Variants in SHANK2 observed in about 807,000 individuals in gnomAD.
SHANK2 encodes the protein SH3 and multiple ankyrin repeat domains protein 2.
A neutral mutation model predicts 133.7 loss-of-function variants in SHANK2; 43 were observed. The observed-to-expected ratio is 0.32, with a 90% confidence interval of 0.25 to 0.41. SHANK2 has a LOEUF of 0.41. SHANK2 is among the 10% of genes least tolerant of loss of function. SHANK2 has a pLI of 1.00. For missense variants in SHANK2, 1,994 were observed against 2,235.8 expected, an observed-to-expected ratio of 0.89 and a Z score of 2.18; for synonymous variants, 1,017 against 952.8, an observed-to-expected ratio of 1.07 and a Z score of -1.24.
chr11:70,489,914 A>C, intron 23 of SHANK2: 1 of 337,958 alleles, frequency 3.0e-6, no homozygotes, highest in South Asian at 2.9e-5. Flanking sequence ...CAGGGAACCC[A>C]CTTACCCTTC....
chr11:70,477,879 T>C, intron 25 of SHANK2, among the ~76,000 whole-genome samples: 1 of 152,206 alleles, frequency 6.6e-6, no homozygotes, highest in Middle Eastern at 3.2e-3. Flanking sequence ...ATCTTCCCGG[T>C]TGCACAGATG....
intron 11 of SHANK2, chr11:70,864,969 T>C (rs1949329559): frequency 6.6e-6 from 1 of 152,356 alleles, no homozygotes. Context: ...GAGGCTGCAG[T>C]GAGCCATGAT....
intron 13 of SHANK2, among the ~76,000 whole-genome samples, chr11:70,801,289 G>A (rs1248486678): frequency 1.3e-5 from 2 of 152,212 alleles, no homozygotes; most frequent in Admixed American, 6.5e-5. Flanking sequence ...CTTGTACAAG[G>A]AGGCAGAGGT....
chr11:71,173,668 G>A (rs1012045190), intron 2 of SHANK2, among the ~76,000 whole-genome samples: 4 of 152,160 alleles, frequency 2.6e-5, no homozygotes, highest in East Asian at 1.9e-4. Context: ...CTCAAAATTC[G>A]TCTTCACCCA....
chr11:70,533,522 G>A (rs1203984499), intron 17 of SHANK2, among the ~76,000 whole-genome samples: 1 of 152,192 alleles, frequency 6.6e-6, no homozygotes, highest in East Asian at 1.9e-4. Context: ...GGGGGCCCAT[G>A]TCATCTGGCC....
chr11:70,890,365 G>A (rs943787088), intron 11 of SHANK2, among the ~76,000 whole-genome samples: 8 of 151,770 alleles, frequency 5.3e-5, no homozygotes, highest in African/African-American at 1.9e-4. Context: ...ATTGGGCCAG[G>A]CCCAGTAGCT....
chr11:70,782,525 A>G (rs573194891), intron 14 of SHANK2, among the ~76,000 whole-genome samples: 4 of 152,214 alleles, frequency 2.6e-5, no homozygotes, highest in Non-Finnish European at 4.4e-5. Flanking sequence ...TCCAAGTTAT[A>G]AGGAGGACTA....
At chr11:70,528,031 C>T (rs1554972463) in intron 17 of SHANK2, among the ~76,000 whole-genome samples, 1 of 152,210 alleles carries the variant, frequency 6.6e-6, no homozygotes, top group Non-Finnish European at 1.5e-5. Flanking sequence ...ATGGGCAGGC[C>T]ACACTCTCAT....
intron 15 of SHANK2, among the ~76,000 whole-genome samples, chr11:70,696,480 A>G (rs1555022255): frequency 6.6e-6 from 1 of 152,164 alleles, no homozygotes; most frequent in Non-Finnish European, 1.5e-5. Flanking sequence ...CCACTTCTAC[A>G]GGCAGCCTTC....
At chr11:70,632,153 G>A (rs1181619637) in intron 17 of SHANK2, among the ~76,000 whole-genome samples, 3 of 152,100 alleles carry the variant, frequency 2.0e-5, no homozygotes, top group South Asian at 2.1e-4. Context: ...AGACAGTCTC[G>A]CTCTGTCACC....
chr11:70,566,671 ACCCTGCCCTTC>A (rs1268622638), intron 17 of SHANK2: 23 of 152,180 alleles, frequency 1.5e-4, no homozygotes, highest in African/African-American at 5.3e-4. Flanking sequence ...AATTTACCCC[ACCCTGCCCTTC>A]CCCTCCCGTG....
chr11:71,149,833 A>T, intron 2 of SHANK2, among the ~76,000 whole-genome samples: 1 of 112,210 alleles, frequency 8.9e-6, no homozygotes, highest in African/African-American at 3.5e-5. Context: ...GAAAGAAGGG[A>T]GGGAAGGAGA....
chr11:70,950,549 T>C (rs954959367), intron 10 of SHANK2, among the ~76,000 whole-genome samples: 3 of 152,170 alleles, frequency 2.0e-5, no homozygotes, highest in Non-Finnish European at 4.4e-5. Context: ...ACCCTCATGA[T>C]GTAATCACCT....
chr11:70,629,853 C>A (rs2060958815), intron 17 of SHANK2, among the ~76,000 whole-genome samples: 1 of 152,164 alleles, frequency 6.6e-6, no homozygotes, highest in Admixed American at 6.5e-5. Context: ...AGATCCGGCC[C>A]CCTGACATCC....
At chr11:70,903,249 C>A (rs1449522862) in intron 10 of SHANK2, among the ~76,000 whole-genome samples, 1 of 151,892 alleles carries the variant, frequency 6.6e-6, no homozygotes, top group African/African-American at 2.4e-5. Context: ...TGGTGGCTGG[C>A]ACCTGTAATC....
chr11:70,934,322 C>T (rs1367997011), intron 10 of SHANK2, among the ~76,000 whole-genome samples: 2 of 151,936 alleles, frequency 1.3e-5, no homozygotes, highest in Non-Finnish European at 2.9e-5. Flanking sequence ...TCCTGCCGCA[C>T]ACTCAGGTTC....
rs575681718 is a variant in SHANK2 at position 70,726,630 on chromosome 11, G to A, written c.1778-27867C>T. 4.2e-4 allele frequency among the ~76,000 whole-genome samples: 64 copies of A among 152,304 alleles called. No homozygotes were observed. The South Asian group carries it at 0.011, about 25-fold the overall frequency. ...AAAGTAAGCTCATTTGGGAAGGCAG[G>A]TGGGGGTTGGCTGTGGTAGATGGCA... On this transcript the variant is annotated intron_variant, in intron 14 of 25. Coordinates refer to ENST00000601538, the MANE Select transcript of SHANK2 (RefSeq NM_012309.5).
chr11:70,719,493 T>C (rs782533991), intron 14 of SHANK2, among the ~76,000 whole-genome samples: 31 of 152,148 alleles, frequency 2.0e-4, no homozygotes, highest in Non-Finnish European at 3.7e-4. Context: ...ATGCTGAACC[T>C]AACCCTAATC....
chr11:71,234,198 AAAAAAAAAAAAAT>A, intron 1 of SHANK2, among the ~76,000 whole-genome samples: 1 of 145,258 alleles, frequency 6.9e-6, no homozygotes, highest in East Asian at 2.0e-4. Context: ...AAAAAAAAAA[AAAAAAAAAAAAAT>A]ATCAGCTGGG....
Sources: gnomAD v4.1 joint callset for allele counts (sites outside exome capture counted in the v4.1 genomes callset) on GRCh38, gnomAD v4.1.1 for gene constraint, MANE v1.5 for transcripts, NCBI Gene and HGNC (gene_info 2026-07-23, HGNC 2026-07-21) for gene names.